The following TSC22D1 variants were observed in gnomAD, a reference collection of about 807,000 sequenced individuals.
The protein encoded by TSC22D1 is TSC22 domain family member 1, also known as TSC22 domain family protein 1.
TSC22D1 carries 9 observed loss-of-function variants against 74.2 expected under a neutral mutation model. The observed-to-expected ratio is 0.12, with a 90% confidence interval of 0.07 to 0.21. The LOEUF is 0.21. TSC22D1 is among the 10% of genes least tolerant of loss of function. TSC22D1 has a pLI of 1.00. For synonymous variants in TSC22D1, 586 were observed against 492.5 expected, an observed-to-expected ratio of 1.19 and a Z score of -2.51; for missense variants, 1,427 against 1,304.7, an observed-to-expected ratio of 1.09 and a Z score of -1.44.
intron 1 of TSC22D1, among the ~76,000 whole-genome samples, chr13:44,544,571 A>T (rs1337146967): frequency 6.6e-6 from 1 of 151,752 alleles, no homozygotes; most frequent in Non-Finnish European, 1.5e-5. Flanking sequence ...ACGGGAAGGA[A>T]GTCTGAACTT....
chr13:44,435,039 A>G, intron 2 of TSC22D1, 156 bp from the exon 3 acceptor site: 1 of 664,778 alleles, frequency 1.5e-6, no homozygotes, highest in East Asian at 2.5e-5. Flanking sequence ...GAATACAAAC[A>G]TGACTGTACA....
intron 1 of TSC22D1, chr13:44,474,239 T>C (rs891922852): frequency 2.0e-5 from 20 of 985,248 alleles, no homozygotes; most frequent in Middle Eastern, 5.2e-4. Context: ...CACTAGACTA[T>C]AGGAAAAGCT....
Position 44,482,875 on chromosome 13 carries a change from C to CTAA in TSC22D1, c.2913-46783_2913-46781dup, listed in dbSNP as rs749557857. ...GCAACTAACATTTATTGAGTGCTTA[C>CTAA]TAATATGCCAGATGTTATTCCAAGT... is the stretch of plus-strand genomic sequence containing the variant. On this transcript the variant is annotated intron_variant, in intron 1 of 2. Coordinates refer to ENST00000458659, the MANE Select transcript of TSC22D1 (RefSeq NM_183422.4). 4.9e-4 allele frequency among the ~76,000 whole-genome samples: 75 copies of CTAA among 152,128 alleles called. 1 individual carries two copies. The highest frequency in any genetic ancestry group is 5.4e-4 in the Non-Finnish European group (37 of 68,018).
intron 1 of TSC22D1, among the ~76,000 whole-genome samples, chr13:44,488,819 AAG>A (rs1172695407): frequency 6.6e-5 from 10 of 152,204 alleles, no homozygotes; most frequent in Non-Finnish European, 1.2e-4. Context: ...AACTATATTA[AAG>A]AGACTGAAAT....
intron 1 of TSC22D1, among the ~76,000 whole-genome samples, chr13:44,563,165 T>C (rs1481679546): frequency 6.6e-6 from 1 of 152,132 alleles, no homozygotes; most frequent in Non-Finnish European, 1.5e-5. Context: ...TGCTTATCCT[T>C]CAAACCTTTA....
intron 1 of TSC22D1, among the ~76,000 whole-genome samples, chr13:44,525,322 C>T (rs539616549): frequency 7.2e-5 from 11 of 152,188 alleles, no homozygotes; most frequent in Non-Finnish European, 1.5e-4. Flanking sequence ...AAAGGAGTCT[C>T]ATGCCTGTAA....
chr13:44,440,418 T>TA (rs1228055102), intron 1 of TSC22D1, among the ~76,000 whole-genome samples: 14 of 149,454 alleles, frequency 9.4e-5, no homozygotes, highest in South Asian at 8.5e-4. Flanking sequence ...GTCTCCACTT[T>TA]AAAAAAAAAC....
At chr13:44,528,643 CAG>C (rs1292849309) in intron 1 of TSC22D1, among the ~76,000 whole-genome samples, 3 of 151,702 alleles carry the variant, frequency 2.0e-5, no homozygotes, top group Admixed American at 1.3e-4. Flanking sequence ...CTAAAGCAAA[CAG>C]AAAAAGAAAT....
intron 1 of TSC22D1, among the ~76,000 whole-genome samples, chr13:44,481,713 G>A (rs976486781): frequency 4.7e-4 from 72 of 152,252 alleles, no homozygotes; most frequent in African/African-American, 1.6e-3. Flanking sequence ...CAGATAACAT[G>A]AAATCAACAA....
chr13:44,435,738 C>T, intron 2 of TSC22D1: 1 of 442,972 alleles, frequency 2.3e-6, no homozygotes, highest in African/African-American at 2.0e-5. Flanking sequence ...CACGACCAGC[C>T]GAAGGAGATA....
intron 1 of TSC22D1, among the ~76,000 whole-genome samples, chr13:44,466,789 A>G (rs1416128558): frequency 3.3e-5 from 5 of 151,990 alleles, no homozygotes; most frequent in Non-Finnish European, 5.9e-5. Context: ...AAAAAAAGAA[A>G]ACAATATATA....
At chr13:44,523,524 G>A (rs1880411071) in intron 1 of TSC22D1, among the ~76,000 whole-genome samples, 1 of 152,092 alleles carries the variant, frequency 6.6e-6, no homozygotes, top group African/African-American at 2.4e-5. Context: ...GTCTGAAAAA[G>A]CTACACACTG....
In TSC22D1 at chr13:44,576,123, C is replaced by T. The variant is rs1416167847; in HGVS notation, c.-49G>A. ...AGGAGACGAGTGCAATTTCCTTCTG[C>T]ACCGTAATCTTTGTATTGGAGACGC... On this transcript the variant is annotated 5_prime_UTR_variant, in exon 1 of 3. Coordinates refer to ENST00000458659, the MANE Select transcript of TSC22D1 (RefSeq NM_183422.4). 6.9e-7 allele frequency: 1 copy of T among 1,448,756 alleles called. No homozygotes were observed. The highest frequency in any genetic ancestry group is 9.0e-7 in the Non-Finnish European group (1 of 1,106,484). 89.7% of individuals were successfully genotyped at this position (1,448,756 alleles called of 1,614,324 possible).
intron 1 of TSC22D1, among the ~76,000 whole-genome samples, chr13:44,487,883 C>A (rs894089914): frequency 6.6e-6 from 1 of 151,874 alleles, no homozygotes; most frequent in Non-Finnish European, 1.5e-5. Context: ...CGTGGCAATA[C>A]CCCCACTCTA....
rs1310218446 is a variant in TSC22D1, at chr13:44,457,805, A to G, written c.2913-21710T>C. On this transcript the variant is annotated intron_variant, in intron 1 of 2. Coordinates refer to ENST00000458659, the MANE Select transcript of TSC22D1 (RefSeq NM_183422.4). ...TATGATTTCCAAAGCCTTCGGTTGT[A>G]GGGTGAAGCAGAGAGCTCACCTAAG... Among the ~76,000 whole-genome samples, 4 of 152,324 alleles carry G rather than the reference A, an allele frequency of 2.6e-5. No individual in the cohort carries two copies. The East Asian group carries it at 7.7e-4, about 29-fold the overall frequency.
chr13:44,441,144 T>C (rs571031799), intron 1 of TSC22D1, among the ~76,000 whole-genome samples: 1 of 152,258 alleles, frequency 6.6e-6, no homozygotes, highest in East Asian at 1.9e-4. Context: ...ATCAGCAGGC[T>C]GGAGTGCAGG....
Position 44,434,178 on chromosome 13 carries a change from T to C in TSC22D1, c.*448A>G. 1 of 1,468,934 alleles carries C rather than the reference T, an allele frequency of 6.8e-7. No homozygotes were observed. The highest frequency in any genetic ancestry group is 8.9e-7 in the Non-Finnish European group (1 of 1,124,802). The allele number at this position is 1,468,934 out of a possible 1,614,324, so 91.0% of individuals were successfully genotyped here. A position where few individuals can be genotyped will look rare whatever the true frequency, so the allele number is the denominator to read the frequency against. On this transcript the variant is annotated 3_prime_UTR_variant, in exon 3 of 3. Transcript: ENST00000458659. ...CCCCCTCATTTTAGTCTTTTTACCCTCCTTTCAAGTTCCTCCTGGGGGGAG... is the reference window on the plus strand; with the variant it reads ...CCCCCTCATTTTAGTCTTTTTACCCCCCTTTCAAGTTCCTCCTGGGGGGAG...
chr13:44,534,247 A>T (rs1434084229), intron 1 of TSC22D1, among the ~76,000 whole-genome samples: 1 of 149,660 alleles, frequency 6.7e-6, no homozygotes, highest in Non-Finnish European at 1.5e-5. Context: ...AAAAAAAAAA[A>T]GCAGACATGG....
rs559431122 is a variant in TSC22D1, at chr13:44,553,345, A to AT, written c.2912+19817dup. The stretch of plus-strand genomic sequence containing the variant: ...CCCCAAATTTCTGGGCTCTAATACT[A>AT]TTTTTTTTTTTCACTTTTAGAATCA... On this transcript the variant is annotated intron_variant, in intron 1 of 2. Transcript: ENST00000458659. Among the ~76,000 whole-genome samples the AT allele has an allele frequency of 4.7e-3, 687 of 147,568 alleles. 3 individuals are homozygous for AT. Among genetic ancestry groups the AT allele is most frequent in the Non-Finnish European group, 6.8e-3 (454 of 66,430 alleles).
Sources: gnomAD v4.1 joint callset for allele counts (sites outside exome capture counted in the v4.1 genomes callset) on GRCh38, gnomAD v4.1.1 for gene constraint, MANE v1.5 for transcripts, NCBI Gene and HGNC (gene_info 2026-07-23, HGNC 2026-07-21) for gene names.